Variants in PSD2 observed in about 807,000 individuals in gnomAD.
PSD2 encodes pleckstrin and Sec7 domain containing 2.
A neutral mutation model predicts 69.8 loss-of-function variants in PSD2; 38 were observed. The observed-to-expected ratio is 0.54, with a 90% CI of 0.42 to 0.71. PSD2 has a LOEUF of 0.71. Among genes scored for constraint, PSD2 ranks in the 30% least tolerant of loss-of-function variants. The probability of loss-of-function intolerance (pLI) is 0.00; values close to 1 mark genes in which losing one functional copy is unlikely to be tolerated. For synonymous variants in PSD2, 412 were observed against 423.0 expected (o/e 0.97, Z 0.32); for missense variants, 943 against 1,014.5 (o/e 0.93, Z 0.96).
intron 1 of PSD2, among the ~76,000 whole-genome samples, chr5:139,803,547 T>C (rs1168852737): frequency 6.6e-6 from 1 of 152,204 alleles, no homozygotes; most frequent in Non-Finnish European, 1.5e-5. Flanking sequence ...CGAGCTCAGA[T>C]AGACAGGCAG....
At chr5:139,833,358 C>A (rs1760639311) in intron 7 of PSD2, among the ~76,000 whole-genome samples, 1 of 152,098 alleles carries the variant, frequency 6.6e-6, no homozygotes, top group South Asian at 2.1e-4. Context: ...CACCTCACCT[C>A]CTCCTTGGGG....
chr5:139,789,998 C>T, the PSD2 span, among the ~76,000 whole-genome samples: 5 of 151,580 alleles, frequency 3.3e-5, no homozygotes, highest in South Asian at 2.1e-4. Flanking sequence ...CGGGGCCGGG[C>T]GGGCGCTGAG....
chr5:139,814,997 A>C lies in PSD2; in HGVS notation c.1016+633A>C, dbSNP rs1030465184. On this transcript the variant is annotated intron_variant, in intron 4 of 14. Transcript: ENST00000274710. This position sits in a 1 kb window ranked among gnomAD's most constrained non-coding sequence, Gnocchi z 4.4. The stretch of plus-strand genomic sequence containing the variant: ...ACCTGCCCCTGGCCCTTTCATCCAG[A>C]TTGCCTCCCAACGTCCGCATTAAGG... 2.0e-5 allele frequency among the ~76,000 whole-genome samples: 3 copies of C among 151,628 alleles called. No homozygotes were observed. The East Asian group carries it at 5.9e-4, about 30-fold the overall frequency.
chr5:139,841,427 T>C (rs746193900), intron 14 of PSD2, among the ~76,000 whole-genome samples: 32 of 152,386 alleles, frequency 2.1e-4, no homozygotes, highest in Middle Eastern at 3.4e-3. Context: ...CAATGAACAC[T>C]TGGCTTACTT....
chr5:139,781,942 T>C, the PSD2 span, among the ~76,000 whole-genome samples: 1 of 152,076 alleles, frequency 6.6e-6, no homozygotes, highest in Non-Finnish European at 1.5e-5. Context: ...CCTCATCACA[T>C]ATCTCTCTGA....
chr5:139,805,020 C>CGTGT (rs111560485), intron 1 of PSD2, among the ~76,000 whole-genome samples: 1 of 150,204 alleles, frequency 6.7e-6, no homozygotes, highest in Non-Finnish European at 1.5e-5. Context: ...TGAGTGTGTG[C>CGTGT]GTGTGTGTGT....
At chr5:139,742,685 CGTGCATGAGGATGT>C in the PSD2 span, 1 of 153,032 alleles carries the variant, frequency 6.5e-6, no homozygotes, top group Non-Finnish European at 1.5e-5. Flanking sequence ...TGGCTGTGAA[CGTGCATGAGGATGT>C]GTGCAGGTGA....
At chr5:139,766,823 CCTTCCTT>C in the PSD2 span, among the ~76,000 whole-genome samples, 4 of 75,858 alleles carry the variant, frequency 5.3e-5, no homozygotes, top group African/African-American at 1.0e-4. Flanking sequence ...TGGGCAAGTC[CCTTCCTT>C]CTTTCTTTCT....
chr5:139,762,801 G>A, the PSD2 span, among the ~76,000 whole-genome samples: 2 of 152,164 alleles, frequency 1.3e-5, no homozygotes, highest in Admixed American at 6.5e-5. Flanking sequence ...TGGCAGGACA[G>A]GAGGCCTGGC....
chr5:139,799,534 C>T (rs1759614580), intron 1 of PSD2, among the ~76,000 whole-genome samples: 1 of 152,130 alleles, frequency 6.6e-6, no homozygotes, highest in African/African-American at 2.4e-5. Context: ...TCCCCAAGGG[C>T]ACTTCAAAAC....
intron 7 of PSD2, among the ~76,000 whole-genome samples, chr5:139,824,394 GTTTT>G (rs3055525): frequency 8.4e-6 from 1 of 119,426 alleles, no homozygotes; most frequent in Non-Finnish European, 1.7e-5. Context: ...TCTCTCTCTT[GTTTT>G]TTTTTTTTTT....
the PSD2 span, among the ~76,000 whole-genome samples, chr5:139,751,988 T>G: frequency 1.6e-4 from 25 of 152,104 alleles, no homozygotes; most frequent in Admixed American, 6.5e-4. Flanking sequence ...AGACTGGGTC[T>G]TCCTATGTTG....
At chr5:139,767,256 G>A in the PSD2 span, among the ~76,000 whole-genome samples, 1 of 151,710 alleles carries the variant, frequency 6.6e-6, no homozygotes, top group South Asian at 2.1e-4. Flanking sequence ...GCCTCCCAAA[G>A]TGCTGGGATT....
the PSD2 span, among the ~76,000 whole-genome samples, chr5:139,766,295 C>G: frequency 6.6e-6 from 1 of 152,166 alleles, no homozygotes; most frequent in South Asian, 2.1e-4. Flanking sequence ...CCTGGCAGTT[C>G]TATCTGGCCC....
At chr5:139,804,404 G>A (rs1205151920) in intron 1 of PSD2, among the ~76,000 whole-genome samples, 1 of 152,182 alleles carries the variant, frequency 6.6e-6, no homozygotes, top group Non-Finnish European at 1.5e-5. Flanking sequence ...TGGAATCAAG[G>A]ATGGATAGAG....
chr5:139,840,211 C>A, intron 14 of PSD2, 41 bp downstream of exon 14: 1 of 1,606,046 alleles, frequency 6.2e-7, no homozygotes, highest in Non-Finnish European at 8.5e-7. Flanking sequence ...CAGTGCCCTG[C>A]TCTTTCTCCT....
intron 6 of PSD2, 60 bp from the exon 7 acceptor site, chr5:139,822,666 A>C: frequency 6.8e-7 from 1 of 1,478,244 alleles, no homozygotes; most frequent in Non-Finnish European, 9.2e-7. Flanking sequence ...TTCCGTCAGG[A>C]GACAGGGAGT....
chr5:139,779,478 A>G, the PSD2 span, among the ~76,000 whole-genome samples: 1 of 152,176 alleles, frequency 6.6e-6, no homozygotes, highest in Non-Finnish European at 1.5e-5. Flanking sequence ...CTATCAGTAC[A>G]CTTTGACCCC....
rs528568451 is a variant in PSD2 at position 139,844,395 on chromosome 5, C to T, written c.*1921C>T. ...TACTACTGTACTAAAATATTATGTA[C>T]ATTATAAAACATACACAAAAATAGA... On this transcript the variant is annotated 3_prime_UTR_variant, in exon 15 of 15. Coordinates refer to ENST00000274710, the MANE Select transcript of PSD2 (RefSeq NM_032289.4). 1 of 152,210 alleles carries T rather than the reference C, an allele frequency of 6.6e-6. No homozygotes were observed. Among genetic ancestry groups the T allele is most frequent in the South Asian group, 2.1e-4 (1 of 4,818 alleles). The allele number at this position is 152,210 out of a possible 1,614,324, so 9.4% of individuals were successfully genotyped here.
Sources: allele counts gnomAD v4.1 joint callset (sites outside exome capture counted in the v4.1 genomes callset), GRCh38; gene constraint gnomAD v4.1.1; non-coding constraint Gnocchi (gnomAD v3.1); transcripts MANE v1.5; gene names NCBI Gene and HGNC (gene_info 2026-07-23, HGNC 2026-07-21).